FAT3: variants seen among roughly 807,000 people sequenced by gnomAD.
FAT3 encodes the protein protocadherin Fat 3.
A neutral mutation model predicts 310.2 loss-of-function variants in FAT3; 95 were observed. The observed-to-expected ratio is 0.31, with a 90% CI of 0.26 to 0.36. The LOEUF (loss-of-function observed/expected upper bound fraction) is 0.36, where lower values mean the gene tolerates loss of function less well. Ranked by LOEUF, FAT3 falls within the 10% of genes least tolerant of loss-of-function variation. FAT3 has a pLI of 1.00. For missense variants in FAT3, 5,408 were observed against 5,715.6 expected, an observed-to-expected ratio of 0.95 and a Z score of 1.74; for synonymous variants, 2,314 against 2,192.9, an observed-to-expected ratio of 1.06 and a Z score of -1.54.
chr11:92,226,749 C>T (rs373602739), intron 1 of FAT3, among the ~76,000 whole-genome samples: 1 of 152,128 alleles, frequency 6.6e-6, no homozygotes, highest in Admixed American at 6.5e-5. Context: ...GGACTCCTAG[C>T]GCCTCGGCCG....
Position 92,255,430 on chromosome 11 carries a change from C to T in FAT3, c.-18+30256C>T, listed in dbSNP as rs142285180. ...TGTCTACCTCATTGGATACTCACTC[C>T]CTAGCACAGTCCTTGCCACAGAGTA... On this transcript the variant is annotated intron_variant, in intron 1 of 27. Transcript: ENST00000525166. 7.4e-3 allele frequency among the ~76,000 whole-genome samples: 1,119 copies of T among 151,566 alleles called. 20 individuals are homozygous for T. Among genetic ancestry groups the T allele is most frequent in the African/African-American group, 0.026 (1,058 of 41,280 alleles).
chr11:92,450,056 TCTAA>T (rs1951316268), intron 2 of FAT3, among the ~76,000 whole-genome samples: 1 of 152,126 alleles, frequency 6.6e-6, no homozygotes, highest in Admixed American at 6.6e-5. Flanking sequence ...CTTGTCTAAC[TCTAA>T]CTACCTCCTT....
chr11:92,519,855 C>A (rs555378606), intron 2 of FAT3, among the ~76,000 whole-genome samples: 1 of 152,210 alleles, frequency 6.6e-6, no homozygotes, highest in South Asian at 2.1e-4. Context: ...ACATTTGAGA[C>A]ACTGACCATG....
In FAT3 at chr11:92,470,238, G is replaced by A. The variant is rs372821422; in HGVS notation, c.3293-54396G>A. 2.0e-5 allele frequency among the ~76,000 whole-genome samples: 3 copies of A among 152,254 alleles called. No homozygotes were observed. In the East Asian group the frequency reaches 5.8e-4, roughly 29 times the overall value. On this transcript the variant is annotated intron_variant, in intron 2 of 27. Coordinates refer to ENST00000525166, the MANE Select transcript of FAT3 (RefSeq NM_001367949.2). ...CTTTCAAAATTTTGGATAATTATAA[G>A]CAAACGTTTCATAAACTAAAGACAA...
intron 4 of FAT3, among the ~76,000 whole-genome samples, chr11:92,712,435 C>T (rs1224458146): frequency 6.6e-6 from 1 of 152,050 alleles, no homozygotes. Context: ...ATAAAACATC[C>T]CTTTTTGAGA....
chr11:92,310,543 A>G (rs1418401440), intron 1 of FAT3, among the ~76,000 whole-genome samples: 1 of 152,114 alleles, frequency 6.6e-6, no homozygotes, highest in Non-Finnish European at 1.5e-5. Flanking sequence ...TATTTGTATA[A>G]ATTTAAGAGA....
intron 2 of FAT3, among the ~76,000 whole-genome samples, chr11:92,405,773 G>T (rs578175247): frequency 6.6e-6 from 1 of 152,150 alleles, no homozygotes; most frequent in East Asian, 1.9e-4. Flanking sequence ...AACAATAAAA[G>T]ATTCATTCAA....
chr11:92,249,633 C>G (rs1189031808), intron 1 of FAT3, among the ~76,000 whole-genome samples: 7 of 152,038 alleles, frequency 4.6e-5, no homozygotes, highest in African/African-American at 1.7e-4. Context: ...ACTCGTATCA[C>G]AGTAACAAAG....
rs1948255482 is a variant in FAT3, at chr11:92,831,637, T to C, written c.9497T>C (p.Val3166Ala). 4 of 1,612,046 alleles carry C rather than the reference T, an allele frequency of 2.5e-6. No homozygotes were observed. Among genetic ancestry groups the C allele is most frequent in the Admixed American group, 1.7e-5 (1 of 59,924 alleles). ...TCTCCCACAGGCATCAATAGGAAGG[T>C]CGTGTACTCCCTGGCAGACTCAGCT... is the stretch of plus-strand genomic sequence containing the variant. ...VDPDIGINRK[V>A]VYSLADSAGG... The change falls in exon 14 of 28, where the codon GTC becomes GCC. Residue 3166 changes from valine to alanine, a missense_variant. Around this residue, in one of 5 missense-constraint regions of FAT3, gnomAD observed 4,588 missense variants for 4,809.8 expected, o/e 0.95. Transcript: ENST00000525166.
chr11:92,404,988 G>A (rs1278894733), intron 2 of FAT3, among the ~76,000 whole-genome samples: 5 of 151,908 alleles, frequency 3.3e-5, no homozygotes, highest in African/African-American at 7.3e-5. Flanking sequence ...TTATACCACC[G>A]ACTTTCCTGG....
chr11:92,840,857 A>G (rs1948528293), intron 18 of FAT3, 98 bp downstream of exon 18: 4 of 1,161,356 alleles, frequency 3.4e-6, no homozygotes, highest in South Asian at 2.0e-5. Flanking sequence ...GTAAGTCAAC[A>G]TAATTCATTA....
At chr11:92,419,677 G>A (rs1950497602) in intron 2 of FAT3, among the ~76,000 whole-genome samples, 2 of 152,130 alleles carry the variant, frequency 1.3e-5, no homozygotes, top group South Asian at 4.2e-4. Flanking sequence ...ACTTTATATT[G>A]TTTACTGGTG....
intron 2 of FAT3, among the ~76,000 whole-genome samples, chr11:92,478,686 C>T (rs556424395): frequency 6.6e-6 from 1 of 152,000 alleles, no homozygotes; most frequent in African/African-American, 2.4e-5. Flanking sequence ...GCGTGATCTA[C>T]GCTCACTGCC....
chr11:92,453,788 A>G (rs1326652846), intron 2 of FAT3, among the ~76,000 whole-genome samples: 2 of 152,200 alleles, frequency 1.3e-5, no homozygotes, highest in Non-Finnish European at 2.9e-5. Context: ...AAAACTATCA[A>G]ATAAATGTTC....
At chr11:92,697,308 C>A in intron 3 of FAT3, 76 bp from the exon 4 acceptor site, 1 of 1,353,390 alleles carries the variant, frequency 7.4e-7, no homozygotes, top group Non-Finnish European at 1.0e-6. Context: ...TTTCCTTTAA[C>A]TGGACTTGTT....
At chr11:92,651,560 A>G (rs1317216649) in intron 3 of FAT3, among the ~76,000 whole-genome samples, 1 of 152,126 alleles carries the variant, frequency 6.6e-6, no homozygotes, top group Non-Finnish European at 1.5e-5. Context: ...AGGAGTTGAG[A>G]CACTTTTTTT....
intron 1 of FAT3, among the ~76,000 whole-genome samples, chr11:92,343,227 G>C (rs1469556633): frequency 6.6e-6 from 1 of 152,092 alleles, no homozygotes; most frequent in South Asian, 2.1e-4. Context: ...ACTGGAAAAA[G>C]CTAGAATTTA....
intron 2 of FAT3, among the ~76,000 whole-genome samples, chr11:92,500,161 C>T (rs1952892751): frequency 6.6e-6 from 1 of 152,008 alleles, no homozygotes; most frequent in Admixed American, 6.6e-5. Flanking sequence ...AGGCTAGGCT[C>T]ATTGACATTA....
Position 92,838,294 on chromosome 11 carries a change from TTGGGCATCAGGATA to T in FAT3, c.10368+489_10368+502del, listed in dbSNP as rs1948456001. Among the ~76,000 whole-genome samples, 4 of 152,196 alleles carry T rather than the reference TTGGGCATCAGGATA, an allele frequency of 2.6e-5. 1 individual carries two copies. On this transcript the variant is annotated intron_variant, in intron 17 of 27. Transcript: ENST00000525166. ...CATTGTCTCATCAGTCAAAGACAGA[TTGGGCATCAGGATA>T]GAGCTGGTACTCATTAAAATTAATC...
Sources: gnomAD v4.1 joint callset for allele counts (sites outside exome capture counted in the v4.1 genomes callset) on GRCh38, gnomAD v4.1.1 for gene constraint, gnomAD v4.1.1 regional missense constraint, MANE v1.5 for transcripts, NCBI Gene and HGNC (gene_info 2026-07-23, HGNC 2026-07-21) for gene names.